SHISA9: variants seen among roughly 807,000 people sequenced by gnomAD.
SHISA9 encodes protein shisa-9.
A neutral mutation model predicts 38.0 loss-of-function variants in SHISA9; 13 were observed. That is an observed-to-expected ratio of 0.34 (90% CI 0.22 to 0.54). SHISA9 has a LOEUF of 0.54. Among genes scored for constraint, SHISA9 ranks in the 20% least tolerant of loss-of-function variants. The pLI, the probability that SHISA9 is intolerant of heterozygous loss-of-function variation, is 0.91. For missense variants in SHISA9, 538 were observed against 575.8 expected (o/e 0.93, Z 0.67); for synonymous variants, 275 against 242.0 (o/e 1.14, Z -1.27).
At chr16:13,416,467 C>T in the SHISA9 span, among the ~76,000 whole-genome samples, 1 of 152,158 alleles carries the variant, frequency 6.6e-6, no homozygotes, top group Non-Finnish European at 1.5e-5. Flanking sequence ...TCATATGACA[C>T]CAGTTCTCCA....
intron 1 of SHISA9, among the ~76,000 whole-genome samples, chr16:12,914,670 C>G (rs748153314): frequency 6.6e-6 from 1 of 152,146 alleles, no homozygotes; most frequent in South Asian, 2.1e-4. Flanking sequence ...GTCTCACAGC[C>G]GAGATGTCTC....
intron 2 of SHISA9, among the ~76,000 whole-genome samples, chr16:13,153,455 A>G (rs1425536093): frequency 1.3e-5 from 2 of 152,184 alleles, no homozygotes; most frequent in East Asian, 1.9e-4. Flanking sequence ...GGCTGCATAA[A>G]TTGATAGACA....
chr16:13,297,318 G>GGA, the SHISA9 span, among the ~76,000 whole-genome samples: 1 of 152,138 alleles, frequency 6.6e-6, no homozygotes, highest in African/African-American at 2.4e-5. Context: ...CCCAAGGGAA[G>GGA]GATATTTTTA....
chr16:13,230,390 A>G (rs1423501326), intron 4 of SHISA9, among the ~76,000 whole-genome samples: 1 of 152,230 alleles, frequency 6.6e-6, no homozygotes, highest in Non-Finnish European at 1.5e-5. Context: ...GGTAGGAGAA[A>G]GGGAATAGGT....
At chr16:13,181,269 A>T (rs1217705286) in intron 2 of SHISA9, among the ~76,000 whole-genome samples, 1 of 39,154 alleles carries the variant, frequency 2.6e-5, no homozygotes, top group South Asian at 7.8e-4. Context: ...ATAAAATTTT[A>T]TATATATATA....
At chr16:13,354,965 C>T in the SHISA9 span, among the ~76,000 whole-genome samples, 1 of 150,632 alleles carries the variant, frequency 6.6e-6, no homozygotes, top group Non-Finnish European at 1.5e-5. Context: ...ATTTGCTGAG[C>T]TTGATGGGTG....
At chr16:13,166,059 G>A (rs2050632931) in intron 2 of SHISA9, among the ~76,000 whole-genome samples, 1 of 152,166 alleles carries the variant, frequency 6.6e-6, no homozygotes, top group African/African-American at 2.4e-5. Context: ...AATGCCTGCT[G>A]TTTGCAGGAG....
chr16:13,085,719 C>G (rs1262225681), intron 2 of SHISA9, among the ~76,000 whole-genome samples: 2 of 152,138 alleles, frequency 1.3e-5, no homozygotes, highest in Admixed American at 1.3e-4. Flanking sequence ...TAAAAAAACA[C>G]CTGGTGAACA....
At chr16:13,162,830 GA>G (rs34060769) in intron 2 of SHISA9, among the ~76,000 whole-genome samples, 10 of 148,950 alleles carry the variant, frequency 6.7e-5, no homozygotes, top group South Asian at 4.2e-4. Flanking sequence ...TCATTTACAT[GA>G]AAAAAAAAAC....
intron 2 of SHISA9, among the ~76,000 whole-genome samples, chr16:12,925,668 C>G (rs143343411): frequency 6.7e-4 from 102 of 152,282 alleles, no homozygotes; most frequent in African/African-American, 2.3e-3. Context: ...AACACAGTGT[C>G]TGGTTTAGTT....
the SHISA9 span, among the ~76,000 whole-genome samples, chr16:13,409,445 GC>G: frequency 6.6e-6 from 1 of 152,200 alleles, no homozygotes; most frequent in East Asian, 1.9e-4. Flanking sequence ...GGCTAAAAGA[GC>G]CCAGTGTAAC....
At chr16:13,340,848 C>T in the SHISA9 span, among the ~76,000 whole-genome samples, 1 of 152,126 alleles carries the variant, frequency 6.6e-6, no homozygotes, top group Non-Finnish European at 1.5e-5. Context: ...GTTCCTTCTG[C>T]AGGGAACACA....
chr16:12,960,153 T>G (rs1030076739), intron 2 of SHISA9, among the ~76,000 whole-genome samples: 1 of 152,234 alleles, frequency 6.6e-6, no homozygotes, highest in Non-Finnish European at 1.5e-5. Context: ...CCTGGTTACA[T>G]TTTCTTGTGT....
chr16:13,467,789 A>G, the SHISA9 span, among the ~76,000 whole-genome samples: 1 of 152,290 alleles, frequency 6.6e-6, no homozygotes, highest in South Asian at 2.1e-4. Context: ...ATCTTGGGCC[A>G]CCAGCCATAT....
chr16:13,529,611 C>A, the SHISA9 span, among the ~76,000 whole-genome samples: 2 of 152,188 alleles, frequency 1.3e-5, no homozygotes, highest in African/African-American at 4.8e-5. Flanking sequence ...TTTGTGTTTT[C>A]CCTGGGCTGC....
At chr16:13,067,392 G>A (rs1596623590) in intron 2 of SHISA9, among the ~76,000 whole-genome samples, 1 of 152,226 alleles carries the variant, frequency 6.6e-6, no homozygotes, top group Admixed American at 6.5e-5. Flanking sequence ...GATGAGTGAT[G>A]TTGGGCAAAC....
At chr16:13,343,287 ATATCT>A in the SHISA9 span, among the ~76,000 whole-genome samples, 1 of 152,198 alleles carries the variant, frequency 6.6e-6, no homozygotes, top group African/African-American at 2.4e-5. Context: ...CTGAGAAATT[ATATCT>A]TATCTTCCCA....
At chr16:13,478,190 A>C in the SHISA9 span, among the ~76,000 whole-genome samples, 2 of 152,160 alleles carry the variant, frequency 1.3e-5, no homozygotes, top group African/African-American at 2.4e-5. Flanking sequence ...ATGTCTGTGT[A>C]TATTTCAAAA....
chr16:13,214,750 T>C lies in SHISA9; in HGVS notation c.895+1450T>C, dbSNP rs72786663. The stretch of plus-strand genomic sequence containing the variant: ...ATGTGGATAGCAAAGGGAGAGCTTG[T>C]GCGGAGAAACTCCCATTTTTAAAAC... On this transcript the variant is annotated intron_variant, in intron 4 of 4. Transcript: ENST00000558583. 7.4e-3 allele frequency among the ~76,000 whole-genome samples: 1,127 copies of C among 152,218 alleles called. 4 individuals are homozygous for C. Among genetic ancestry groups the C allele is most frequent in the Non-Finnish European group, 0.012 (814 of 68,010 alleles).
Sources: gnomAD v4.1 joint callset for allele counts (sites outside exome capture counted in the v4.1 genomes callset) on GRCh38, gnomAD v4.1.1 for gene constraint, MANE v1.5 for transcripts, NCBI Gene and HGNC (gene_info 2026-07-23, HGNC 2026-07-21) for gene names.